The following HK2 variants were observed in gnomAD, a reference collection of about 807,000 sequenced individuals.
HK2 encodes the protein hexokinase-2.
A neutral mutation model predicts 92.9 loss-of-function variants in HK2; 42 were observed. The observed-to-expected ratio is 0.45, with a 90% CI of 0.35 to 0.58. The LOEUF (loss-of-function observed/expected upper bound fraction) is 0.58, where lower values mean the gene tolerates loss of function less well. Among genes scored for constraint, HK2 ranks in the 20% least tolerant of loss-of-function variants. HK2 has a pLI of 0.00. For missense variants in HK2, 978 were observed against 1,245.1 expected (o/e 0.79, Z 3.23); for synonymous variants, 422 against 468.0 (o/e 0.90, Z 1.27).
chr2:74,883,385 G>A (rs778939702), intron 12 of HK2, among the ~76,000 whole-genome samples: 4 of 152,308 alleles, frequency 2.6e-5, no homozygotes, highest in Non-Finnish European at 5.9e-5. Context: ...GGGGATGTCA[G>A]GAGGACTTGG....
intron 1 of HK2, among the ~76,000 whole-genome samples, chr2:74,843,394 G>T (rs1573354164): frequency 6.6e-6 from 1 of 152,124 alleles, no homozygotes; most frequent in Non-Finnish European, 1.5e-5. Context: ...TCCACGTCAG[G>T]AGTCAGGAGT....
chr2:74,885,610 G>A (rs752413913), intron 13 of HK2, 21 bp downstream of exon 13: 17 of 1,473,180 alleles, frequency 1.2e-5, no homozygotes, highest in East Asian at 9.0e-5. Context: ...CATGGCACGA[G>A]GTCTGATGTG....
In HK2 at chr2:74,872,497, T is replaced by C. The variant is rs1206053816; in HGVS notation, c.495+78T>C. ...TGAGAGGGACTTCTGAGCCACCTGC[T>C]GTGGTGGTGGTGGTAGCACTGGAGG... On this transcript the variant is annotated intron_variant, in intron 4 of 17. Coordinates refer to ENST00000290573, the MANE Select transcript of HK2 (RefSeq NM_000189.5). The C allele has an allele frequency of 4.6e-6, 7 of 1,506,464 alleles. No individual in the cohort carries two copies. The East Asian group carries it at 1.5e-4, about 33-fold the overall frequency. 93.3% of individuals were successfully genotyped at this position (1,506,464 alleles called of 1,614,324 possible).
chr2:74,842,299 G>A (rs920611842), intron 1 of HK2, among the ~76,000 whole-genome samples: 6 of 152,064 alleles, frequency 3.9e-5, no homozygotes, highest in Admixed American at 6.5e-5. Flanking sequence ...TGTACTTTCA[G>A]TATTTATATA....
intron 8 of HK2, among the ~76,000 whole-genome samples, chr2:74,877,715 C>G (rs986995300): frequency 2.0e-5 from 3 of 152,210 alleles, no homozygotes; most frequent in Non-Finnish European, 4.4e-5. Flanking sequence ...TGTCATGACC[C>G]CTGCTTCATA....
chr2:74,858,788 A>G (rs1688749399), intron 2 of HK2, among the ~76,000 whole-genome samples: 1 of 152,238 alleles, frequency 6.6e-6, no homozygotes, highest in Non-Finnish European at 1.5e-5. Context: ...TGGAGAAACC[A>G]GAAAGTTTCA....
At chr2:74,851,808 C>T (rs1688576519) in intron 1 of HK2, among the ~76,000 whole-genome samples, 1 of 152,202 alleles carries the variant, frequency 6.6e-6, no homozygotes, top group African/African-American at 2.4e-5. Flanking sequence ...GCTCAGTCAC[C>T]TCTGTGTGCC....
At chr2:74,863,256 C>T (rs1374138076) in intron 2 of HK2, among the ~76,000 whole-genome samples, 1 of 152,202 alleles carries the variant, frequency 6.6e-6, no homozygotes. Context: ...GTTGGAGCAG[C>T]TCTGTTTTTC....
At chr2:74,884,371 T>C (rs563249840) in intron 12 of HK2, among the ~76,000 whole-genome samples, 2 of 152,370 alleles carry the variant, frequency 1.3e-5, no homozygotes, top group African/African-American at 2.4e-5. Context: ...CCCAGGGCTC[T>C]GTGGCCCCCA....
intron 2 of HK2, among the ~76,000 whole-genome samples, chr2:74,859,023 T>C (rs894363623): frequency 6.6e-6 from 1 of 152,268 alleles, no homozygotes; most frequent in Admixed American, 6.5e-5. Context: ...TCTTACTCAA[T>C]GACTGAATTT....
intron 17 of HK2, among the ~76,000 whole-genome samples, chr2:74,890,092 G>A (rs1335746557): frequency 3.9e-5 from 6 of 152,172 alleles, no homozygotes; most frequent in African/African-American, 1.4e-4. Context: ...TAGAGCAGGG[G>A]TTGACAGGCA....
intron 4 of HK2, 149 bp downstream of exon 4, chr2:74,872,568 A>G (rs1689121934): frequency 9.0e-6 from 5 of 553,500 alleles, no homozygotes; most frequent in South Asian, 1.5e-5. Context: ...GTGTATGTCG[A>G]TGGGGGGGCT....
intron 2 of HK2, among the ~76,000 whole-genome samples, chr2:74,860,322 C>T (rs1688796016): frequency 6.6e-6 from 1 of 152,052 alleles, no homozygotes; most frequent in Non-Finnish European, 1.5e-5. Context: ...ATGTTTGCAC[C>T]TCATAAATTT....
chr2:74,874,806 G>T (rs1689187152), intron 7 of HK2, among the ~76,000 whole-genome samples: 2 of 152,104 alleles, frequency 1.3e-5, no homozygotes, highest in East Asian at 1.9e-4. Context: ...CAAGATTGGG[G>T]TCTCTGAAAG....
chr2:74,880,134 G>A (rs924129850), intron 9 of HK2, 131 bp from the exon 10 acceptor site: 11 of 954,570 alleles, frequency 1.2e-5, no homozygotes, highest in Non-Finnish European at 1.7e-5. Context: ...GAGAGAGGAT[G>A]TTTAGGGCAG....
chr2:74,886,449 G>A (rs954421715), intron 14 of HK2, 41 bp from the exon 15 acceptor site: 1 of 1,613,840 alleles, frequency 6.2e-7, no homozygotes, highest in Non-Finnish European at 8.5e-7. Flanking sequence ...GGTGTGGAGG[G>A]GTTGGTGCTG....
chr2:74,835,820 A>G (rs148245144), intron 1 of HK2, among the ~76,000 whole-genome samples: 81 of 152,308 alleles, frequency 5.3e-4, no homozygotes, highest in Non-Finnish European at 9.4e-4. Context: ...TGGAATTTCA[A>G]TATCTGATGG....
chr2:74,850,675 G>A (rs1309902714), intron 1 of HK2, among the ~76,000 whole-genome samples: 1 of 152,082 alleles, frequency 6.6e-6, no homozygotes, highest in African/African-American at 2.4e-5. Context: ...GTGAAAGTTG[G>A]CAAGATTCTG....
rs1230118404 is a variant in HK2 at position 74,892,499 on chromosome 2, G to A, written c.*1558G>A. 1.3e-5 allele frequency: 2 copies of A among 152,148 alleles called. No homozygotes were observed. The highest frequency in any genetic ancestry group is 3.2e-3 in the Middle Eastern group (1 of 316). The allele number at this position is 152,148 out of a possible 1,614,324, so 9.4% of individuals were successfully genotyped here. A position where few individuals can be genotyped will look rare whatever the true frequency, so the allele number is the denominator to read the frequency against. On this transcript the variant is annotated 3_prime_UTR_variant, in exon 18 of 18. Transcript: ENST00000290573. ...TATTTCAAACTATTGGGAGGGATGA[G>A]AGTGGCTTAAAAACTTCCATCCCTA...
Sources: allele counts gnomAD v4.1 joint callset (sites outside exome capture counted in the v4.1 genomes callset), GRCh38; gene constraint gnomAD v4.1.1; transcripts MANE v1.5; gene names NCBI Gene and HGNC (gene_info 2026-07-23, HGNC 2026-07-21).